The following PGRMC2 variants were observed in gnomAD, a reference collection of about 807,000 sequenced individuals.
PGRMC2 encodes the protein progesterone receptor membrane component 2.
In PGRMC2, 9 loss-of-function variants were observed where a neutral mutation model predicts 19.3. The ratio of observed to expected loss-of-function variants is 0.47; its 90% CI spans 0.28 to 0.81. The LOEUF (loss-of-function observed/expected upper bound fraction) is 0.81. PGRMC2 is among the 40% of genes least tolerant of loss of function. The pLI, the probability that PGRMC2 is intolerant of heterozygous loss-of-function variation, is 0.11. For synonymous variants in PGRMC2, 157 were observed against 124.6 expected (o/e 1.26, Z -1.73); for missense variants, 289 against 297.3 (o/e 0.97, Z 0.21).
At chr4:128,274,974 G>C (rs1037856823) in intron 1 of PGRMC2, among the ~76,000 whole-genome samples, 23 of 152,098 alleles carry the variant, frequency 1.5e-4, no homozygotes, top group African/African-American at 5.6e-4. Flanking sequence ...TAAAATTACT[G>C]ACAGAACTGA....
intron 1 of PGRMC2, among the ~76,000 whole-genome samples, chr4:128,275,784 G>A (rs536331175): frequency 3.9e-5 from 6 of 152,178 alleles, no homozygotes; most frequent in South Asian, 2.1e-4. Flanking sequence ...GGAGTACAGC[G>A]GCTCAATCAT....
chr4:128,274,747 A>G (rs778252658), intron 1 of PGRMC2, among the ~76,000 whole-genome samples: 2 of 152,182 alleles, frequency 1.3e-5, no homozygotes, highest in African/African-American at 4.8e-5. Context: ...CAATGCTTAT[A>G]AACTTAAAAA....
intron 2 of PGRMC2, among the ~76,000 whole-genome samples, chr4:128,271,801 T>A (rs1275876809): frequency 1.3e-5 from 2 of 152,190 alleles, no homozygotes; most frequent in Admixed American, 6.5e-5. Flanking sequence ...TGGGACAGCA[T>A]CACACAAGTG....
Position 128,287,677 on chromosome 4 carries a change from T to C in PGRMC2, c.114A>G (p.Gly38=). ...PGDAGAAAEG[G]GWAAAALALL... ...GCGCCAACGCCGCCGCCGCCCAGCC[T>C]CCCCCTTCCGCTGCCGCTCCCGCGT... The change falls in exon 1 of 3, where the codon GGA becomes GGG. Residue 38 remains glycine (G), a synonymous_variant. Coordinates refer to ENST00000296425, the MANE Select transcript of PGRMC2 (RefSeq NM_006320.6). The C allele has an allele frequency of 6.6e-7, 1 of 1,524,448 alleles. No homozygotes were observed. Among genetic ancestry groups the C allele is most frequent in the Non-Finnish European group, 8.8e-7 (1 of 1,139,160 alleles). 94.4% of individuals were successfully genotyped at this position (1,524,448 alleles called of 1,614,324 possible). A position where few individuals can be genotyped will look rare whatever the true frequency, so the allele number is the denominator to read the frequency against.
intron 1 of PGRMC2, among the ~76,000 whole-genome samples, chr4:128,285,834 C>T (rs75314817): frequency 6.6e-6 from 1 of 152,188 alleles, no homozygotes; most frequent in Admixed American, 6.5e-5. Context: ...AATGTATTAA[C>T]CATTTCAGTT....
At chr4:128,280,186 G>GTAAATTTGCTTAAA (rs1760886388) in intron 1 of PGRMC2, among the ~76,000 whole-genome samples, 1 of 151,756 alleles carries the variant, frequency 6.6e-6, no homozygotes, top group African/African-American at 2.4e-5. Context: ...TACAGAAGCA[G>GTAAATTTGCTTAAA]ATTAAAGAAC....
At chr4:128,275,928 T>C (rs534944819) in intron 1 of PGRMC2, among the ~76,000 whole-genome samples, 37 of 152,132 alleles carry the variant, frequency 2.4e-4, no homozygotes, top group Non-Finnish European at 2.6e-4. Context: ...GGTCTCCCTA[T>C]GTTGCCCAGC....
Position 128,272,512 on chromosome 4 carries a change from G to T in PGRMC2, c.424C>A (p.Pro142Thr), listed in dbSNP as rs778477774. Residue 142 changes from proline to threonine, a missense_variant, in exon 2 of 3, where the codon CCA (proline) becomes ACA (threonine). Transcript: ENST00000296425. ...TCCCTACCAGCAAATATTCCATATG[G>T]ACCCGCTGGAAAAAAGAAAATAAAT... Reference protein sequence around the residue: ...KGSKFYGPAGPYGIFAGRDAS... With the variant: ...KGSKFYGPAGTYGIFAGRDAS... 6.8e-7 allele frequency: 1 copy of T among 1,465,642 alleles called. No homozygotes were observed. The highest frequency in any genetic ancestry group is 9.0e-7 in the Non-Finnish European group (1 of 1,109,390). The allele number at this position is 1,465,642 out of a possible 1,614,324, so 90.8% of individuals were successfully genotyped here.
At chr4:128,278,718 A>C (rs759146212) in intron 1 of PGRMC2, among the ~76,000 whole-genome samples, 1 of 152,236 alleles carries the variant, frequency 6.6e-6, no homozygotes, top group Non-Finnish European at 1.5e-5. Flanking sequence ...TTAAGTGCAT[A>C]AAGTCTTTAA....
Position 128,269,473 on chromosome 4 carries a change from C to T in PGRMC2, c.*1843G>A, listed in dbSNP as rs542145211. The stretch of plus-strand genomic sequence containing the variant: ...GTTTAGAAAATATTTTACATAAAAA[C>T]ACAAAGCATTTACCAACACTCCACA... On this transcript the variant is annotated 3_prime_UTR_variant, in exon 3 of 3. Transcript: ENST00000296425. 1 of 152,226 alleles carries T rather than the reference C, an allele frequency of 6.6e-6. No individual in the cohort carries two copies. The highest frequency in any genetic ancestry group is 6.5e-5 in the Admixed American group (1 of 15,288). 9.4% of individuals were successfully genotyped at this position (152,226 alleles called of 1,614,324 possible).
intron 1 of PGRMC2, among the ~76,000 whole-genome samples, chr4:128,278,252 GA>G (rs1760843852): frequency 6.6e-6 from 1 of 152,226 alleles, no homozygotes; most frequent in African/African-American, 2.4e-5. Context: ...CAAGTATTAG[GA>G]AAAAGGGATT....
intron 1 of PGRMC2, among the ~76,000 whole-genome samples, chr4:128,283,823 A>G (rs896657919): frequency 1.3e-5 from 2 of 151,864 alleles, no homozygotes; most frequent in Admixed American, 6.6e-5. Flanking sequence ...AAGCTCAGCT[A>G]ATTTTTTTTT....
chr4:128,284,249 T>C (rs776316466), intron 1 of PGRMC2, among the ~76,000 whole-genome samples: 5 of 152,230 alleles, frequency 3.3e-5, no homozygotes, highest in Non-Finnish European at 5.9e-5. Flanking sequence ...ATAAGCTGTG[T>C]GGTAATATCC....
intron 1 of PGRMC2, chr4:128,286,842 G>A (rs1287402324): frequency 2.5e-6 from 1 of 392,278 alleles, no homozygotes; most frequent in South Asian, 1.4e-4. Flanking sequence ...GTGGCCTTAC[G>A]GAGTAATACA....
chr4:128,286,855 G>T (rs1760990753), intron 1 of PGRMC2: 1 of 385,892 alleles, frequency 2.6e-6, no homozygotes, highest in Non-Finnish European at 4.5e-6. Context: ...GTAATACAGC[G>T]AGGGAAAAAA....
chr4:128,274,578 G>A (rs1760779955), intron 1 of PGRMC2, among the ~76,000 whole-genome samples: 1 of 150,666 alleles, frequency 6.6e-6, no homozygotes, highest in Non-Finnish European at 1.5e-5. Context: ...ATGCACATGT[G>A]CGTGCAAAAT....
At chr4:128,277,876 T>C (rs1050157389) in intron 1 of PGRMC2, among the ~76,000 whole-genome samples, 3 of 152,236 alleles carry the variant, frequency 2.0e-5, no homozygotes, top group African/African-American at 7.2e-5. Context: ...TCGATTTCCA[T>C]AGTCCTTAGA....
intron 1 of PGRMC2, among the ~76,000 whole-genome samples, chr4:128,282,237 G>C (rs564682695): frequency 6.6e-6 from 1 of 152,232 alleles, no homozygotes; most frequent in South Asian, 2.1e-4. Context: ...AAATGGAGCT[G>C]AAATCCTATT....
At chr4:128,275,725 A>T (rs557073685) in intron 1 of PGRMC2, among the ~76,000 whole-genome samples, 239 of 152,068 alleles carry the variant, frequency 1.6e-3, no homozygotes, top group African/African-American at 1.9e-3. Flanking sequence ...CATTAAAAAA[A>T]TTTTTTTTGT....
Sources: gnomAD v4.1 joint callset for allele counts (sites outside exome capture counted in the v4.1 genomes callset) on GRCh38, gnomAD v4.1.1 for gene constraint, MANE v1.5 for transcripts, NCBI Gene and HGNC (gene_info 2026-07-23, HGNC 2026-07-21) for gene names.